Variants in ZNF521 observed in about 807,000 individuals in gnomAD.
The protein encoded by ZNF521 is zinc finger protein 521.
ZNF521 carries 14 observed loss-of-function variants against 105.5 expected under a neutral mutation model. That is an observed-to-expected ratio of 0.13 (90% confidence interval 0.09 to 0.21). The LOEUF (loss-of-function observed/expected upper bound fraction) is 0.21. ZNF521 is among the 10% of genes least tolerant of loss of function. ZNF521 has a pLI of 1.00. For missense variants in ZNF521, 1,233 were observed against 1,629.7 expected, an observed-to-expected ratio of 0.76 and a Z score of 4.19; for synonymous variants, 635 against 606.0, an observed-to-expected ratio of 1.05 and a Z score of -0.70.
intron 5 of ZNF521, among the ~76,000 whole-genome samples, chr18:25,150,891 C>CTTTTTT (rs559303954): frequency 7.6e-6 from 1 of 132,200 alleles, no homozygotes; most frequent in Non-Finnish European, 1.6e-5. Context: ...TTTCTTTTTT[C>CTTTTTT]TTTTTTTTTT....
chr18:25,116,820 C>T (rs1175844519), intron 5 of ZNF521, among the ~76,000 whole-genome samples: 4 of 149,398 alleles, frequency 2.7e-5, no homozygotes, highest in African/African-American at 9.9e-5. Flanking sequence ...TAATTTGGGG[C>T]AAGCATAGCC....
intron 4 of ZNF521, among the ~76,000 whole-genome samples, chr18:25,206,447 C>T (rs2036081776): frequency 6.6e-6 from 1 of 152,032 alleles, no homozygotes; most frequent in Non-Finnish European, 1.5e-5. Context: ...CCTGTGGAGT[C>T]CTAGTCATTC....
At chr18:25,123,472 T>A (rs189453810) in intron 5 of ZNF521, among the ~76,000 whole-genome samples, 1 of 152,314 alleles carries the variant, frequency 6.6e-6, no homozygotes, top group East Asian at 1.9e-4. Context: ...AGAGCTAAAG[T>A]ACCTTCAAGC....
intron 5 of ZNF521, among the ~76,000 whole-genome samples, chr18:25,107,959 C>T (rs535510310): frequency 3.5e-4 from 54 of 152,378 alleles, no homozygotes; most frequent in Admixed American, 8.5e-4. Context: ...CATGGTACAA[C>T]ATGCTGAAGA....
intron 3 of ZNF521, among the ~76,000 whole-genome samples, chr18:25,246,913 T>C (rs1907762404): frequency 6.6e-6 from 1 of 152,164 alleles, no homozygotes. Context: ...CTAAGGACTC[T>C]CCTGCTTGAC....
chr18:25,092,141 G>C (rs2033760487), intron 5 of ZNF521, 60 bp from the exon 6 acceptor site: 6 of 1,592,918 alleles, frequency 3.8e-6, no homozygotes, highest in South Asian at 3.4e-5. Context: ...TAATACACTA[G>C]AGAGTTATCT....
At chr18:25,082,415 C>G (rs2033515294) in intron 7 of ZNF521, among the ~76,000 whole-genome samples, 1 of 152,074 alleles carries the variant, frequency 6.6e-6, no homozygotes, top group Non-Finnish European at 1.5e-5. Context: ...AGTATAGGAC[C>G]CGGATATGCC....
chr18:25,284,542 A>G (rs1469247899), intron 3 of ZNF521, among the ~76,000 whole-genome samples: 1 of 152,216 alleles, frequency 6.6e-6, no homozygotes, highest in Non-Finnish European at 1.5e-5. Flanking sequence ...AGTTGAGACG[A>G]GAGCGCTGAG....
At chr18:25,208,759 T>C (rs2036126418) in intron 4 of ZNF521, among the ~76,000 whole-genome samples, 1 of 152,140 alleles carries the variant, frequency 6.6e-6, no homozygotes, top group Non-Finnish European at 1.5e-5. Context: ...TTAATTTGAG[T>C]TTAGTTCATT....
chr18:25,311,055 C>T (rs2145107886), intron 3 of ZNF521, among the ~76,000 whole-genome samples: 1 of 152,184 alleles, frequency 6.6e-6, no homozygotes, highest in Non-Finnish European at 1.5e-5. Context: ...ATCAATTTCC[C>T]CTGAAGGTAA....
intron 7 of ZNF521, among the ~76,000 whole-genome samples, chr18:25,064,756 T>A (rs1426978373): frequency 6.6e-6 from 1 of 152,216 alleles, no homozygotes; most frequent in Non-Finnish European, 1.5e-5. Context: ...GGCGGGGGGC[T>A]GGGAGCCTTG....
At position 25,162,087 on chromosome 18, in the gene ZNF521, G is replaced by C. The variant is rs546624865; in HGVS notation, c.3658+33073C>G. Among the ~76,000 whole-genome samples, 4 of 152,250 alleles carry C rather than the reference G, an allele frequency of 2.6e-5. No homozygotes were observed. In the South Asian group the frequency reaches 8.3e-4, roughly 32 times the overall value. On this transcript the variant is annotated intron_variant, in intron 5 of 7. Transcript: ENST00000361524. Reference sequence around the variant, plus strand: ...TTCCCAAGAGAAACTCCATTGCTGGGTCACTCTTTTAGCTCGCCTGAACCT... The same window carrying C: ...TTCCCAAGAGAAACTCCATTGCTGGCTCACTCTTTTAGCTCGCCTGAACCT...
chr18:25,338,196 G>T (rs1465981458), intron 2 of ZNF521, among the ~76,000 whole-genome samples: 1 of 150,368 alleles, frequency 6.7e-6, no homozygotes, highest in Non-Finnish European at 1.5e-5. Context: ...ATCTCACTCT[G>T]ACCTTTCTTA....
At chr18:25,247,797 A>G (rs925235612) in intron 3 of ZNF521, among the ~76,000 whole-genome samples, 10 of 152,302 alleles carry the variant, frequency 6.6e-5, no homozygotes, top group South Asian at 2.1e-4. Flanking sequence ...GAGTCCATTT[A>G]TAAGGCTATG....
At chr18:25,255,963 TA>T (rs1908458922) in intron 3 of ZNF521, among the ~76,000 whole-genome samples, 2 of 125,220 alleles carry the variant, frequency 1.6e-5, no homozygotes, top group African/African-American at 3.2e-5. Flanking sequence ...ATATATATCG[TA>T]TATATATATG....
intron 2 of ZNF521, among the ~76,000 whole-genome samples, chr18:25,338,258 T>TG (rs1457595404): frequency 4.6e-4 from 62 of 135,498 alleles, no homozygotes; most frequent in African/African-American, 1.1e-3. Flanking sequence ...CTCATAGACT[T>TG]TTGTGTGTGT....
intron 5 of ZNF521, among the ~76,000 whole-genome samples, chr18:25,174,896 T>C (rs4302125): frequency 0.57 from 85,935 of 152,032 alleles, 25,583 homozygotes; most frequent in African/African-American, 0.75. Flanking sequence ...CTTAACTATT[T>C]AATTAAATTT....
intron 3 of ZNF521, among the ~76,000 whole-genome samples, chr18:25,266,980 T>A (rs1404602150): frequency 1.3e-5 from 2 of 152,192 alleles, no homozygotes; most frequent in Non-Finnish European, 2.9e-5. Flanking sequence ...GTGGTCTGGC[T>A]CAGCGGGTCC....
intron 3 of ZNF521, among the ~76,000 whole-genome samples, chr18:25,313,845 A>C (rs1912458758): frequency 6.6e-6 from 1 of 152,162 alleles, no homozygotes; most frequent in South Asian, 2.1e-4. Context: ...TGGAGAATGG[A>C]ATCTATGGAG....
Sources: allele counts gnomAD v4.1 joint callset (sites outside exome capture counted in the v4.1 genomes callset), GRCh38; gene constraint gnomAD v4.1.1; transcripts MANE v1.5; gene names NCBI Gene and HGNC (gene_info 2026-07-23, HGNC 2026-07-21).